Variants in TRIOBP observed in about 807,000 individuals in gnomAD.
TRIOBP encodes the protein TRIO and F-actin binding protein.
In TRIOBP, 169 loss-of-function variants were observed where a neutral mutation model predicts 238.8. That is an observed-to-expected ratio of 0.71 (90% CI 0.62 to 0.80). The LOEUF is 0.80. Ranked by LOEUF, TRIOBP falls within the 30% of genes least tolerant of loss-of-function variation. TRIOBP has a pLI of 0.00. For missense variants in TRIOBP, 2,838 were observed against 3,122.6 expected (o/e 0.91, Z 2.17); for synonymous variants, 1,150 against 1,274.4 (o/e 0.90, Z 2.08).
rs754709153 is a variant in TRIOBP, at chr22:37,734,649, G to A, written c.4313G>A (p.Gly1438Asp). The A allele has an allele frequency of 1.3e-6, 2 of 1,594,948 alleles. No individual in the cohort carries two copies. Among genetic ancestry groups the A allele is most frequent in the Admixed American group, 1.8e-5 (1 of 56,594 alleles). ...QSQEEPPGSQGPHRHLERSWS... is the reference protein window; with the variant it reads ...QSQEEPPGSQDPHRHLERSWS... ...CAGGAGGAACCGCCAGGGTCCCAGG[G>A]CCCTCATAGACACCTAGAAAGGAGC... is the stretch of plus-strand genomic sequence containing the variant. Residue 1438 changes from glycine to aspartate, a missense_variant, in exon 9 of 24, where the codon GGC (glycine) becomes GAC (aspartate). Physicochemically the swap from Gly to Asp is moderately conservative, Grantham distance 94. This residue lies in a region of TRIOBP where 2,096 missense variants were observed against 2,137.4 expected (regional missense o/e 0.98). Coordinates refer to ENST00000644935, the MANE Select transcript of TRIOBP (RefSeq NM_001039141.3).
chr22:37,771,878 A>G (rs1351337274), intron 22 of TRIOBP, 142 bp downstream of exon 22: 2 of 765,350 alleles, frequency 2.6e-6, no homozygotes, highest in South Asian at 2.9e-5. Flanking sequence ...TGTAGGTGTC[A>G]TCATCCCCAT....
At position 37,757,876 on chromosome 22, in the gene TRIOBP, A is replaced by C. The variant is rs1926023634; in HGVS notation, c.5951A>C (p.Glu1984Ala). The C allele has an allele frequency of 6.4e-7, 1 of 1,552,906 alleles. No individual in the cohort carries two copies. Among genetic ancestry groups the C allele is most frequent in the Non-Finnish European group, 8.7e-7 (1 of 1,148,542 alleles). The change falls in exon 16 of 24, where the codon GAG becomes GCG. Residue 1984 changes from glutamate (E) to alanine (A), a missense_variant. By Grantham distance (107) the Glu-to-Ala change is moderately radical (BLOSUM62 -1). Around this residue, in one of 5 missense-constraint regions of TRIOBP, gnomAD observed 2,096 missense variants for 2,137.4 expected, o/e 0.98. Coordinates refer to ENST00000644935, the MANE Select transcript of TRIOBP (RefSeq NM_001039141.3). Reference sequence around the variant, plus strand: ...GAGCGGGACCTGGCCCAGCGCTCCGAGGAGCGGCGCAAGTGGTTTGAGGCC... The same window carrying C: ...GAGCGGGACCTGGCCCAGCGCTCCGCGGAGCGGCGCAAGTGGTTTGAGGCC... ...ELERDLAQRS[E>A]ERRKWFEATD... is the part of the protein sequence containing the mutation.
intron 10 of TRIOBP, among the ~76,000 whole-genome samples, chr22:37,740,092 G>C (rs561893497): frequency 2.2e-4 from 33 of 152,378 alleles, no homozygotes; most frequent in Non-Finnish European, 3.8e-4. Context: ...GGTCAGGACT[G>C]TGATGGGGAA....
At chr22:37,771,619 C>A in intron 21 of TRIOBP, 31 bp from the exon 22 acceptor site, 5 of 1,606,262 alleles carry the variant, frequency 3.1e-6, no homozygotes, top group Non-Finnish European at 4.3e-6. Context: ...TGGCTTCTGG[C>A]CCTGGGTCAG....
chr22:37,755,359 T>G (rs955826924), intron 14 of TRIOBP, 169 bp downstream of exon 14: 3 of 917,904 alleles, frequency 3.3e-6, no homozygotes, highest in African/African-American at 1.6e-5. Context: ...TTAGCATATC[T>G]GGGGGAGACG....
chr22:37,727,099 G>T (rs1334233797), intron 7 of TRIOBP, among the ~76,000 whole-genome samples: 2 of 151,458 alleles, frequency 1.3e-5, no homozygotes, highest in Non-Finnish European at 2.9e-5. Flanking sequence ...ACTAGAGACG[G>T]GGTTTCGCCA....
chr22:37,719,068 C>T (rs529145286), intron 6 of TRIOBP, among the ~76,000 whole-genome samples: 7 of 149,742 alleles, frequency 4.7e-5, no homozygotes, highest in East Asian at 4.0e-4. Flanking sequence ...TGATGGGATC[C>T]GGGACACGCC....
At chr22:37,750,764 C>T (rs1225974490) in intron 11 of TRIOBP, 8 of 470,524 alleles carry the variant, frequency 1.7e-5, no homozygotes, top group East Asian at 6.9e-5. Context: ...GAAGGGGCTC[C>T]GTGGGTGGAG....
Position 37,725,123 on chromosome 22 carries a change from C to A in TRIOBP, c.2567C>A (p.Ser856Tyr), listed in dbSNP as rs1453875416. The stretch of plus-strand genomic sequence containing the variant: ...TGTACACAGCGGGACCGCACACAGT[C>A]CTTTTCCTTTCAACGAGACAACCCT... ...PTCTQRDRTQ[S>Y]FSFQRDNPGT... is the part of the protein sequence containing the mutation. The change falls in exon 7 of 24, where the codon TCC (serine) becomes TAC (tyrosine). Residue 856 changes from serine (S) to tyrosine (Y), a missense_variant. Physicochemically the swap from Ser to Tyr is moderately radical, Grantham distance 144. Transcript: ENST00000644935. The A allele has an allele frequency of 1.2e-6, 2 of 1,614,142 alleles. No individual in the cohort carries two copies.
chr22:37,766,642 G>A (rs958586824), intron 18 of TRIOBP, among the ~76,000 whole-genome samples: 3 of 152,204 alleles, frequency 2.0e-5, no homozygotes, highest in East Asian at 1.9e-4. Flanking sequence ...CCTCATGTCC[G>A]TTCAGGGTGG....
intron 7 of TRIOBP, among the ~76,000 whole-genome samples, chr22:37,732,178 C>T (rs1166589280): frequency 6.6e-6 from 1 of 152,096 alleles, no homozygotes; most frequent in Admixed American, 6.6e-5. Context: ...AGAGATATGC[C>T]CAGGTTCTGT....
At position 37,769,056 on chromosome 22, in the gene TRIOBP, C is replaced by A. The variant is rs769873790; in HGVS notation, c.6604C>A (p.Leu2202Met). The change falls in exon 20 of 24, where the codon CTG becomes ATG. Residue 2202 changes from leucine (L) to methionine (M), a missense_variant. Leu to Met is a conservative substitution (Grantham distance 15, BLOSUM62 2). Transcript: ENST00000644935. Reference sequence around the variant, plus strand: ...AGATGTGGAGGCACTGAAGCGAGAGCTGCAGGTGCTATCGGAGCAGTACTC... The same window carrying A: ...AGATGTGGAGGCACTGAAGCGAGAGATGCAGGTGCTATCGGAGCAGTACTC... Reference protein sequence around the residue: ...QSDVEALKRELQVLSEQYSQK... With the variant: ...QSDVEALKREMQVLSEQYSQK... 1 of 1,613,440 alleles carries A rather than the reference C, an allele frequency of 6.2e-7. No homozygotes were observed. Among genetic ancestry groups the A allele is most frequent in the Non-Finnish European group, 8.5e-7 (1 of 1,180,050 alleles).
chr22:37,769,811 C>T (rs910544410), intron 21 of TRIOBP, among the ~76,000 whole-genome samples: 7 of 152,054 alleles, frequency 4.6e-5, no homozygotes, highest in Non-Finnish European at 8.8e-5. Context: ...TCACTGCAAC[C>T]TCTGCCTCCC....
chr22:37,701,053 T>C (rs1922619547), intron 2 of TRIOBP, among the ~76,000 whole-genome samples: 1 of 152,186 alleles, frequency 6.6e-6, no homozygotes, highest in African/African-American at 2.4e-5. Flanking sequence ...GGCGTGCACT[T>C]TCAGCAACAC....
Position 37,725,502 on chromosome 22 carries a change from C to A in TRIOBP, c.2946C>A (p.Asn982Lys). ...LPSRATSSSH[N>K]PGHQSTSRTS... ...CCCGGGCCACCTCTTCCTCCCATAA[C>A]CCAGGCCACCAGAGCACCTCCCGAA... is the stretch of plus-strand genomic sequence containing the variant. Residue 982 changes from asparagine (N) to lysine (K), a missense_variant, in exon 7 of 24, where the codon AAC becomes AAA. Physicochemically the swap from Asn to Lys is moderately conservative, Grantham distance 94 (BLOSUM62 0). Coordinates refer to ENST00000644935, the MANE Select transcript of TRIOBP (RefSeq NM_001039141.3). The A allele has an allele frequency of 6.2e-7, 1 of 1,613,594 alleles. No individual in the cohort carries two copies. Among genetic ancestry groups the A allele is most frequent in the South Asian group, 1.1e-5 (1 of 91,076 alleles).
intron 12 of TRIOBP, among the ~76,000 whole-genome samples, chr22:37,752,055 T>C (rs889121409): frequency 1.3e-5 from 2 of 152,172 alleles, no homozygotes; most frequent in African/African-American, 4.8e-5. Context: ...GCCCCATCCC[T>C]TGATCTCATC....
rs2145887872 is a variant in TRIOBP, at chr22:37,774,362, G to A, written c.*582G>A. The A allele has an allele frequency of 6.6e-6, 1 of 152,378 alleles. No homozygotes were observed. Among genetic ancestry groups the A allele is most frequent in the East Asian group, 1.9e-4 (1 of 5,184 alleles). 9.4% of individuals were successfully genotyped at this position (152,378 alleles called of 1,614,324 possible). Reference sequence around the variant, plus strand: ...TGCCCCATTTGGACCCGTACCATGGGGCTCAGGACAGAGGGAGCTAGCAGC... The same window carrying A: ...TGCCCCATTTGGACCCGTACCATGGAGCTCAGGACAGAGGGAGCTAGCAGC... On this transcript the variant is annotated 3_prime_UTR_variant, in exon 24 of 24. Transcript: ENST00000644935.
intron 17 of TRIOBP, among the ~76,000 whole-genome samples, chr22:37,763,420 C>T (rs1199694863): frequency 1.3e-5 from 2 of 152,162 alleles, no homozygotes. Context: ...AGCCAGGGGA[C>T]AGACACCCCT....
intron 6 of TRIOBP, among the ~76,000 whole-genome samples, chr22:37,721,179 A>G (rs181884940): frequency 1.3e-5 from 2 of 151,558 alleles, no homozygotes; most frequent in East Asian, 3.9e-4. Context: ...GCATCCAGCT[A>G]ATTTTTGTAT....
Sources: allele counts gnomAD v4.1 joint callset (sites outside exome capture counted in the v4.1 genomes callset), GRCh38; gene constraint gnomAD v4.1.1; regional missense constraint gnomAD v4.1.1; transcripts MANE v1.5; gene names NCBI Gene and HGNC (gene_info 2026-07-23, HGNC 2026-07-21).